Variants in WSB2 observed in about 807,000 individuals in gnomAD.
WSB2 encodes the protein WD repeat and SOCS box-containing protein 2.
Under a neutral mutation model 48.8 loss-of-function variants are expected in WSB2, and 12 were observed. The observed-to-expected ratio is 0.25, with a 90% CI of 0.16 to 0.40. The LOEUF is 0.40. Ranked by LOEUF, WSB2 falls within the 10% of genes least tolerant of loss-of-function variation. WSB2 has a pLI of 1.00. For missense variants in WSB2, 317 were observed against 506.2 expected, an observed-to-expected ratio of 0.63 and a Z score of 3.59; for synonymous variants, 191 against 203.1, an observed-to-expected ratio of 0.94 and a Z score of 0.51.
intron 1 of WSB2, among the ~76,000 whole-genome samples, chr12:118,059,030 C>T (rs2032015189): frequency 1.3e-5 from 2 of 152,042 alleles, no homozygotes; most frequent in African/African-American, 4.8e-5. Flanking sequence ...GTCATTTTTA[C>T]GTATTTATTG....
chr12:118,036,288 T>G, intron 6 of WSB2, 50 bp downstream of exon 6: 1 of 1,582,002 alleles, frequency 6.3e-7, no homozygotes, highest in Non-Finnish European at 8.6e-7. Flanking sequence ...CCAGGCAGGT[T>G]CCTCATCAGT....
intron 1 of WSB2, among the ~76,000 whole-genome samples, chr12:118,057,360 C>T (rs558703494): frequency 7.2e-5 from 11 of 151,948 alleles, no homozygotes; most frequent in Middle Eastern, 6.8e-3. Context: ...TTGCAACCTC[C>T]GCCCCCTGGG....
chr12:118,061,002 C>CCGGGCGGGAA, intron 1 of WSB2, 34 bp downstream of exon 1: 11 of 971,306 alleles, frequency 1.1e-5, no homozygotes, highest in Non-Finnish European at 1.3e-5. Flanking sequence ...CAGGGCCCCG[C>CCGGGCGGGAA]CGGGCGGGAA....
At chr12:118,037,561 G>A (rs377603158) in intron 5 of WSB2, among the ~76,000 whole-genome samples, 16 of 151,934 alleles carry the variant, frequency 1.1e-4, no homozygotes, top group African/African-American at 2.7e-4. Flanking sequence ...CCAGCTACTC[G>A]GGAGGCTGAG....
chr12:118,034,574 G>GGTCTCTCTCTCTCTCTCTCTCTCT, intron 8 of WSB2: 1 of 528,462 alleles, frequency 1.9e-6, no homozygotes, highest in Non-Finnish European at 3.3e-6. Flanking sequence ...ATACCAAAGC[G>GGTCTCTCTCTCTCTCTCTCTCTCT]CTCTCTCTGT....
intron 4 of WSB2, 80 bp from the exon 5 acceptor site, chr12:118,038,468 A>C: frequency 5.9e-6 from 8 of 1,353,448 alleles, no homozygotes; most frequent in Non-Finnish European, 8.3e-6. Context: ...TGGGGTGGTA[A>C]CAGCCCCCAG....
Position 118,035,035 on chromosome 12 carries a change from T to C in WSB2, c.1003A>G (p.Asn335Asp). The part of the protein sequence containing the change: ...KTPIAFAPMT[N>D]GLCCTFFPHG... ...GGAAAAAATGTGCAGCAAAGCCCAT[T>C]GGTCATAGGAGCAAATGCAATGGGA... Residue 335 changes from asparagine to aspartate, a missense_variant, in exon 8 of 9, where the codon AAT becomes GAT. Asn to Asp is a conservative substitution (Grantham distance 23). Around this residue, in one of 2 missense-constraint regions of WSB2, gnomAD observed 189 missense variants for 349.6 expected, o/e 0.54. Coordinates refer to ENST00000315436, the MANE Select transcript of WSB2 (RefSeq NM_018639.5). The C allele has an allele frequency of 6.2e-7, 1 of 1,614,140 alleles. No individual in the cohort carries two copies. The highest frequency in any genetic ancestry group is 2.2e-5 in the East Asian group (1 of 44,872).
chr12:118,059,208 A>C (rs968195073), intron 1 of WSB2, among the ~76,000 whole-genome samples: 9 of 140,370 alleles, frequency 6.4e-5, no homozygotes, highest in African/African-American at 2.5e-4. Flanking sequence ...TTAGCACAAA[A>C]AAAAATCTAA....
At chr12:118,049,054 T>G (rs2031799211) in intron 2 of WSB2, among the ~76,000 whole-genome samples, 1 of 152,206 alleles carries the variant, frequency 6.6e-6, no homozygotes, top group South Asian at 2.1e-4. Flanking sequence ...CTGACAGATC[T>G]TCCATGTTGT....
At chr12:118,047,381 C>T (rs1461285333) in intron 2 of WSB2, among the ~76,000 whole-genome samples, 1 of 151,804 alleles carries the variant, frequency 6.6e-6, no homozygotes, top group Non-Finnish European at 1.5e-5. Context: ...AAGACAGATT[C>T]ATTGGCAGAA....
chr12:118,046,466 C>CAAA (rs57540760), intron 2 of WSB2, among the ~76,000 whole-genome samples: 1 of 113,204 alleles, frequency 8.8e-6, no homozygotes, highest in East Asian at 2.3e-4. Flanking sequence ...GACTCCATCT[C>CAAA]AAAAAAAAAA....
chr12:118,034,510 G>T, intron 8 of WSB2, 152 bp from the exon 9 acceptor site: 1 of 972,922 alleles, frequency 1.0e-6, no homozygotes, highest in Non-Finnish European at 1.5e-6. Flanking sequence ...GTAAAATTGT[G>T]GTGCTGAATA....
At position 118,061,137 on chromosome 12, in the gene WSB2, C is replaced by T. The variant is rs1235240240; in HGVS notation, c.-89G>A. On this transcript the variant is annotated 5_prime_UTR_variant, in exon 1 of 9. Coordinates refer to ENST00000315436, the MANE Select transcript of WSB2 (RefSeq NM_018639.5). ...CATGCCGCCCCCGCGCCGCCCGCCC[C>T]GGCCAGGCCGCCGCCGCCGCCCGGA... is the stretch of plus-strand genomic sequence containing the variant. 4.1e-6 allele frequency: 4 copies of T among 981,456 alleles called. No individual in the cohort carries two copies. Among genetic ancestry groups the T allele is most frequent in the Non-Finnish European group, 4.8e-6 (4 of 828,390 alleles). 60.8% of individuals were successfully genotyped at this position (981,456 alleles called of 1,614,324 possible).
intron 2 of WSB2, among the ~76,000 whole-genome samples, chr12:118,049,444 C>T (rs2031806808): frequency 6.6e-6 from 1 of 151,976 alleles, no homozygotes; most frequent in Non-Finnish European, 1.5e-5. Context: ...CTCTGTTACC[C>T]AGGCTGGAGT....
intron 2 of WSB2, among the ~76,000 whole-genome samples, chr12:118,051,811 T>C (rs1016093410): frequency 6.6e-6 from 1 of 152,168 alleles, no homozygotes; most frequent in Non-Finnish European, 1.5e-5. Flanking sequence ...TCGTCTCTAC[T>C]AATAATACAA....
At chr12:118,054,110 A>C (rs1048475669) in intron 1 of WSB2, among the ~76,000 whole-genome samples, 1 of 150,898 alleles carries the variant, frequency 6.6e-6, no homozygotes, top group African/African-American at 2.4e-5. Flanking sequence ...AGTGGCTCAC[A>C]TCTGTAATCC....
chr12:118,046,406 T>C (rs988414259), intron 2 of WSB2, among the ~76,000 whole-genome samples: 2 of 146,652 alleles, frequency 1.4e-5, no homozygotes, highest in Non-Finnish European at 3.0e-5. Context: ...GAGGTTGCAG[T>C]GAACCGAGGT....
rs2031590537 is a variant in WSB2, at chr12:118,039,775, G to C, written c.560-1387C>G. On this transcript the variant is annotated intron_variant, in intron 4 of 8. Transcript: ENST00000315436. ...TTTTATTTTTTTGAGACAGAGTCTT[G>C]TTCTGTTGCCTAGGTGGGAGTGCAA... is the stretch of plus-strand genomic sequence containing the variant. Among the ~76,000 whole-genome samples the C allele has an allele frequency of 4.6e-5, 7 of 151,468 alleles. No homozygotes were observed. In the South Asian group the frequency reaches 1.5e-3, roughly 32 times the overall value.
chr12:118,039,371 TAGAG>T (rs768871429), intron 4 of WSB2, among the ~76,000 whole-genome samples: 14 of 152,068 alleles, frequency 9.2e-5, no homozygotes, highest in East Asian at 1.9e-4. Context: ...CAGTTGGAAT[TAGAG>T]AGAGATTTTC....
Sources: allele counts gnomAD v4.1 joint callset (sites outside exome capture counted in the v4.1 genomes callset), GRCh38; gene constraint gnomAD v4.1.1; regional missense constraint gnomAD v4.1.1; transcripts MANE v1.5; gene names NCBI Gene and HGNC (gene_info 2026-07-23, HGNC 2026-07-21).